The following UNC80 variants were observed in gnomAD, a reference collection of about 807,000 sequenced individuals.
UNC80 encodes the protein unc-80 subunit of NALCN channel complex.
A neutral mutation model predicts 384.6 loss-of-function variants in UNC80; 164 were observed. The observed-to-expected ratio is 0.43, with a 90% CI of 0.38 to 0.49. UNC80 has a LOEUF of 0.49. Among genes scored for constraint, UNC80 ranks in the 20% least tolerant of loss-of-function variants. The pLI, the probability that UNC80 is intolerant of heterozygous loss-of-function variation, is 0.00. For synonymous variants in UNC80, 1,486 were observed against 1,527.8 expected (o/e 0.97, Z 0.64); for missense variants, 3,330 against 4,143.0 (o/e 0.80, Z 5.39).
In UNC80 at chr2:209,959,719, G is replaced by A. The variant is rs780100467; in HGVS notation, c.7805+12G>A. 7 of 1,549,162 alleles carry A rather than the reference G, an allele frequency of 4.5e-6. No homozygotes were observed. The African/African-American group carries it at 6.9e-5, about 15-fold the overall frequency. On this transcript the variant is annotated intron_variant, in intron 51 of 64. Transcript: ENST00000673920. ...AAGTCTCACATGAGGTACTGGCCTC[G>A]CTTTCCCTGCCCCAAGTGTGAACAC...
At chr2:209,778,734 G>A (rs1022956662) in intron 4 of UNC80, among the ~76,000 whole-genome samples, 1 of 152,198 alleles carries the variant, frequency 6.6e-6, no homozygotes, top group Non-Finnish European at 1.5e-5. Context: ...TTCTGTGAAT[G>A]AATAAATTAA....
chr2:209,998,520 G>A lies in UNC80; in HGVS notation c.*2925G>A, dbSNP rs1466751266. The A allele has an allele frequency of 6.6e-6, 1 of 152,194 alleles. No individual in the cohort carries two copies. The highest frequency in any genetic ancestry group is 2.4e-5 in the African/African-American group (1 of 41,448). 9.4% of individuals were successfully genotyped at this position (152,194 alleles called of 1,614,324 possible). On this transcript the variant is annotated 3_prime_UTR_variant, in exon 65 of 65. Transcript: ENST00000673920. Reference sequence around the variant, plus strand: ...TGCACAGGCTGGGAGTAACTGGTTTGCTGTTTCAAGCCTCCAAGAGTACCT... The same window carrying A: ...TGCACAGGCTGGGAGTAACTGGTTTACTGTTTCAAGCCTCCAAGAGTACCT...
intron 4 of UNC80, among the ~76,000 whole-genome samples, chr2:209,778,263 C>T (rs998247462): frequency 6.6e-6 from 1 of 151,966 alleles, no homozygotes; most frequent in African/African-American, 2.4e-5. Context: ...ATTAGCCAGG[C>T]GTAGTGCACA....
intron 22 of UNC80, among the ~76,000 whole-genome samples, chr2:209,853,508 A>G (rs1281373293): frequency 6.6e-6 from 1 of 152,068 alleles, no homozygotes; most frequent in Non-Finnish European, 1.5e-5. Flanking sequence ...TAAGTCCAGT[A>G]CAGCTTTTCC....
At position 209,819,012 on chromosome 2, in the gene UNC80, C is replaced by T. The variant is rs899080631; in HGVS notation, c.1713C>T (p.Thr571=). The T allele has an allele frequency of 1.5e-5, 23 of 1,551,400 alleles. No individual in the cohort carries two copies. Among genetic ancestry groups the T allele is most frequent in the Non-Finnish European group, 2.0e-5 (23 of 1,146,900 alleles). ...TVKEVRSQIS[T]ITVATFNTTL... ...TATTAGTGCGATCTCAGATCTCCAC[C>T]ATCACAGTTGCGACCTTCAATACCA... The change falls in exon 12 of 65, where the codon ACC becomes ACT. Residue 571 remains threonine, a synonymous_variant. Transcript: ENST00000673920.
At chr2:209,902,551 A>G (rs1428756415) in intron 28 of UNC80, among the ~76,000 whole-genome samples, 1 of 152,168 alleles carries the variant, frequency 6.6e-6, no homozygotes, top group Non-Finnish European at 1.5e-5. Flanking sequence ...TTCATTGTCT[A>G]ATTTAAGAAA....
intron 60 of UNC80, chr2:209,982,672 G>A (rs1049790722): frequency 5.5e-5 from 9 of 163,336 alleles, no homozygotes; most frequent in Non-Finnish European, 6.7e-5. Flanking sequence ...TATGTTTTTG[G>A]TAAAGTTTAG....
rs570332929 is a variant in UNC80, at chr2:209,815,169, G to A, written c.1201-88G>A. 1.1e-5 allele frequency: 15 copies of A among 1,324,950 alleles called. 1 individual carries two copies. The highest frequency in any genetic ancestry group is 7.6e-5 in the South Asian group (5 of 65,824). The allele number at this position is 1,324,950 out of a possible 1,614,324, so 82.1% of individuals were successfully genotyped here. A position where few individuals can be genotyped will look rare whatever the true frequency, so the allele number is the denominator to read the frequency against. On this transcript the variant is annotated intron_variant, in intron 8 of 64. Coordinates refer to ENST00000673920, the MANE Select transcript of UNC80 (RefSeq NM_001371986.1). ...GTTCAAAGATGTCAAAGCTATAGGC[G>A]CATCCCTATTAAAAATGTGACATTT...
chr2:209,811,882 A>G (rs1159943736), intron 7 of UNC80, among the ~76,000 whole-genome samples: 1 of 152,186 alleles, frequency 6.6e-6, no homozygotes, highest in Middle Eastern at 3.2e-3. Context: ...TGTAAAAATA[A>G]TTTGCAGGGC....
intron 31 of UNC80, among the ~76,000 whole-genome samples, chr2:209,915,423 A>C (rs866670543): frequency 1.1e-3 from 167 of 150,460 alleles, no homozygotes; most frequent in Non-Finnish European, 2.1e-3. Context: ...AAAAAAAAAA[A>C]ACAAAAACTG....
intron 26 of UNC80, among the ~76,000 whole-genome samples, chr2:209,888,954 C>T (rs1490082064): frequency 1.3e-5 from 2 of 152,066 alleles, no homozygotes; most frequent in African/African-American, 2.4e-5. Context: ...AATAGAATCT[C>T]GTTTTAAAAA....
At chr2:209,834,302 C>A in intron 17 of UNC80, 134 bp downstream of exon 17, 1 of 961,788 alleles carries the variant, frequency 1.0e-6, no homozygotes, top group Non-Finnish European at 1.5e-6. Flanking sequence ...TAAGTGGTTT[C>A]ACTGGTGTGG....
chr2:209,808,946 C>A, intron 7 of UNC80: 1 of 314,162 alleles, frequency 3.2e-6, no homozygotes, highest in South Asian at 2.7e-5. Flanking sequence ...GCTTTGCTGC[C>A]AACACTCATC....
At chr2:209,946,519 T>A (rs1431835451) in intron 47 of UNC80, among the ~76,000 whole-genome samples, 1 of 152,234 alleles carries the variant, frequency 6.6e-6, no homozygotes, top group Non-Finnish European at 1.5e-5. Context: ...GTATTTAGTC[T>A]TGTTAGAAAA....
At chr2:209,937,958 C>T (rs2091361649) in intron 42 of UNC80, among the ~76,000 whole-genome samples, 1 of 151,840 alleles carries the variant, frequency 6.6e-6, no homozygotes, top group Admixed American at 6.6e-5. Flanking sequence ...TGGAAATACA[C>T]ATAATGTAGC....
At chr2:209,868,712 C>T (rs1275462156) in intron 22 of UNC80, among the ~76,000 whole-genome samples, 1 of 152,180 alleles carries the variant, frequency 6.6e-6, no homozygotes, top group Non-Finnish European at 1.5e-5. Context: ...ATTCATTAGA[C>T]TTTTTGTAGT....
intron 21 of UNC80, among the ~76,000 whole-genome samples, chr2:209,847,964 AAGGG>A (rs534112766): frequency 3.7e-4 from 56 of 152,208 alleles, no homozygotes; most frequent in African/African-American, 1.3e-3. Context: ...TTCAAAGTTT[AAGGG>A]ACTGTTTATA....
chr2:209,792,862 G>A (rs1459854432), intron 6 of UNC80, among the ~76,000 whole-genome samples: 1 of 152,082 alleles, frequency 6.6e-6, no homozygotes, highest in Non-Finnish European at 1.5e-5. Context: ...AGACATAACT[G>A]TAAGCTCATG....
chr2:209,976,886 C>T lies in UNC80; in HGVS notation c.8773-27C>T. ...CATTTTATGGATGGAAAATTGAGGC[C>T]CTGAGAATGTTATGCCTTCCTTTCA... On this transcript the variant is annotated intron_variant, in intron 57 of 64. Transcript: ENST00000673920. This position sits in a 1 kb window ranked among gnomAD's most constrained non-coding sequence, Gnocchi z 4.3. The T allele has an allele frequency of 6.7e-7, 1 of 1,489,320 alleles. No homozygotes were observed. Among genetic ancestry groups the T allele is most frequent in the Non-Finnish European group, 9.1e-7 (1 of 1,101,802 alleles). The allele number at this position is 1,489,320 out of a possible 1,614,324, so 92.3% of individuals were successfully genotyped here.
Sources: allele counts gnomAD v4.1 joint callset (sites outside exome capture counted in the v4.1 genomes callset), GRCh38; gene constraint gnomAD v4.1.1; non-coding constraint Gnocchi (gnomAD v3.1); transcripts MANE v1.5; gene names NCBI Gene and HGNC (gene_info 2026-07-23, HGNC 2026-07-21).